ATF6: variants seen among roughly 807,000 people sequenced by gnomAD.
ATF6 encodes the protein activating transcription factor 6.
A neutral mutation model predicts 83.6 loss-of-function variants in ATF6; 53 were observed. The observed-to-expected ratio is 0.63, with a 90% CI of 0.51 to 0.80. ATF6 has a LOEUF of 0.80. ATF6 is among the 30% of genes least tolerant of loss of function. ATF6 has a pLI of 0.00. For missense variants in ATF6, 744 were observed against 797.9 expected (o/e 0.93, Z 0.81); for synonymous variants, 288 against 285.8 (o/e 1.01, Z -0.08).
intron 14 of ATF6, among the ~76,000 whole-genome samples, chr1:161,872,726 T>A (rs1411549853): frequency 1.3e-5 from 2 of 151,522 alleles, no homozygotes; most frequent in African/African-American, 2.4e-5. Context: ...ATTGGTAACT[T>A]GAGATTACAT....
chr1:161,833,222 CAGAA>C (rs1686117618), intron 9 of ATF6, among the ~76,000 whole-genome samples: 1 of 152,158 alleles, frequency 6.6e-6, no homozygotes, highest in African/African-American at 2.4e-5. Context: ...AACTAACAAA[CAGAA>C]AGGACATCCA....
chr1:161,950,958 G>A (rs1688851922), intron 15 of ATF6, among the ~76,000 whole-genome samples: 1 of 152,160 alleles, frequency 6.6e-6, no homozygotes, highest in South Asian at 2.1e-4. Context: ...ACAGTTGTGG[G>A]CAGCATTTTT....
At chr1:161,843,517 C>A (rs1424220302) in intron 9 of ATF6, among the ~76,000 whole-genome samples, 2 of 152,118 alleles carry the variant, frequency 1.3e-5, no homozygotes, top group Non-Finnish European at 2.9e-5. Flanking sequence ...ATCCTGAATC[C>A]AAATCCTGAC....
chr1:161,800,244 A>G (rs1685111363), intron 6 of ATF6, among the ~76,000 whole-genome samples: 1 of 152,222 alleles, frequency 6.6e-6, no homozygotes, highest in South Asian at 2.1e-4. Context: ...ATTTGCATAT[A>G]CATAATGAGA....
intron 14 of ATF6, among the ~76,000 whole-genome samples, chr1:161,876,372 C>A (rs1687216749): frequency 6.6e-6 from 1 of 151,982 alleles, no homozygotes; most frequent in Non-Finnish European, 1.5e-5. Context: ...TTTCAGCAGG[C>A]ATTGAGCAAG....
intron 9 of ATF6, among the ~76,000 whole-genome samples, chr1:161,832,415 A>C (rs1242390343): frequency 6.6e-6 from 1 of 152,166 alleles, no homozygotes; most frequent in Non-Finnish European, 1.5e-5. Flanking sequence ...GGTGCAGGAC[A>C]GTGGGTGCAG....
chr1:161,776,459 G>A (rs1684516186), intron 1 of ATF6, among the ~76,000 whole-genome samples: 2 of 152,126 alleles, frequency 1.3e-5, no homozygotes, highest in South Asian at 2.1e-4. Flanking sequence ...GTTGGGAGGG[G>A]TAGGGAAGAA....
At chr1:161,815,854 C>A (rs1238588524) in intron 7 of ATF6, among the ~76,000 whole-genome samples, 1 of 152,150 alleles carries the variant, frequency 6.6e-6, no homozygotes, top group African/African-American at 2.4e-5. Flanking sequence ...GCTGGAGGAT[C>A]TGTTGAACCT....
At chr1:161,812,170 C>T (rs1157074582) in intron 7 of ATF6, among the ~76,000 whole-genome samples, 1 of 152,006 alleles carries the variant, frequency 6.6e-6, no homozygotes, top group African/African-American at 2.4e-5. Flanking sequence ...TATAACAGCT[C>T]TTTGAAATGA....
intron 10 of ATF6, 143 bp downstream of exon 10, chr1:161,846,723 C>A: frequency 1.3e-6 from 1 of 787,850 alleles, no homozygotes; most frequent in Non-Finnish European, 1.8e-6. Context: ...ACCATTAATA[C>A]ATTTTACTTT....
chr1:161,929,831 G>A (rs1688394939), intron 15 of ATF6, among the ~76,000 whole-genome samples: 1 of 152,202 alleles, frequency 6.6e-6, no homozygotes, highest in African/African-American at 2.4e-5. Context: ...ATTCTCCAAA[G>A]TTATAAAGTC....
chr1:161,773,637 A>G lies in ATF6; in HGVS notation c.83-4607A>G, dbSNP rs191418422. On this transcript the variant is annotated intron_variant, in intron 1 of 15. Coordinates refer to ENST00000367942, the MANE Select transcript of ATF6 (RefSeq NM_007348.4). ...CCCAGTGACTGTGTCTGATCTTATT[A>G]AACTTATAAGGAGTAAATGAATAAA... Among the ~76,000 whole-genome samples the G allele has an allele frequency of 1.4e-3, 213 of 152,324 alleles. 1 individual carries two copies. Among genetic ancestry groups the G allele is most frequent in the African/African-American group, 5.0e-3 (206 of 41,566 alleles).
intron 7 of ATF6, among the ~76,000 whole-genome samples, chr1:161,808,955 G>A (rs1024708519): frequency 1.3e-5 from 2 of 152,080 alleles, no homozygotes; most frequent in Non-Finnish European, 2.9e-5. Context: ...GTAAAATTTT[G>A]CAGTCCTTTT....
intron 13 of ATF6, among the ~76,000 whole-genome samples, chr1:161,861,513 C>T (rs1686885678): frequency 6.6e-6 from 1 of 152,090 alleles, no homozygotes; most frequent in Admixed American, 6.5e-5. Flanking sequence ...CATTCAATTA[C>T]ATTTATTTTA....
chr1:161,800,828 GTCA>G (rs1381554622), intron 6 of ATF6, among the ~76,000 whole-genome samples: 1 of 152,190 alleles, frequency 6.6e-6, no homozygotes, highest in African/African-American at 2.4e-5. Flanking sequence ...TTTCTATGGA[GTCA>G]TCTGCCTCAT....
chr1:161,860,390 T>C, intron 13 of ATF6, 113 bp downstream of exon 13: 1 of 429,474 alleles, frequency 2.3e-6, no homozygotes, highest in Non-Finnish European at 4.1e-6. Context: ...ATGAGTTTTA[T>C]ATTAGTCATA....
intron 9 of ATF6, among the ~76,000 whole-genome samples, chr1:161,823,720 T>C (rs1685817360): frequency 6.6e-6 from 1 of 152,184 alleles, no homozygotes; most frequent in Non-Finnish European, 1.5e-5. Context: ...TTATGATATA[T>C]TGTTTGGGTT....
chr1:161,795,874 G>A (rs925615563), intron 6 of ATF6, among the ~76,000 whole-genome samples: 13 of 152,164 alleles, frequency 8.5e-5, no homozygotes, highest in Non-Finnish European at 2.9e-5. Flanking sequence ...TGAACATATT[G>A]TCATAGAAAT....
chr1:161,935,841 G>A (rs760888584), intron 15 of ATF6, among the ~76,000 whole-genome samples: 14 of 152,168 alleles, frequency 9.2e-5, no homozygotes, highest in Non-Finnish European at 1.9e-4. Context: ...GGCAATGCTC[G>A]AGCATTTCTA....
Sources: gnomAD v4.1 joint callset for allele counts (sites outside exome capture counted in the v4.1 genomes callset) on GRCh38, gnomAD v4.1.1 for gene constraint, MANE v1.5 for transcripts, NCBI Gene and HGNC (gene_info 2026-07-23, HGNC 2026-07-21) for gene names.